Variants in NPAS3 observed in about 807,000 individuals in gnomAD.
NPAS3 encodes the protein neuronal PAS domain-containing protein 3.
NPAS3 carries 14 observed loss-of-function variants against 73.1 expected under a neutral mutation model. The observed-to-expected ratio is 0.19, with a 90% CI of 0.13 to 0.30. The LOEUF is 0.30. Ranked by LOEUF, NPAS3 falls within the 10% of genes least tolerant of loss-of-function variation. The pLI is 1.00. For missense variants in NPAS3, 1,096 were observed against 1,250.0 expected (o/e 0.88, Z 1.86); for synonymous variants, 620 against 541.5 (o/e 1.14, Z -2.01).
chr14:33,228,554 G>A (rs772248706), intron 3 of NPAS3, among the ~76,000 whole-genome samples: 10 of 151,996 alleles, frequency 6.6e-5, no homozygotes, highest in Non-Finnish European at 1.2e-4. Flanking sequence ...ATTTTTTGTT[G>A]TCATCAGGGA....
chr14:33,587,077 C>A (rs932374132), intron 5 of NPAS3, among the ~76,000 whole-genome samples: 11 of 152,232 alleles, frequency 7.2e-5, no homozygotes, highest in Non-Finnish European at 1.5e-4. Context: ...TCTTCTTTTG[C>A]CTTACTTTCC....
intron 4 of NPAS3, among the ~76,000 whole-genome samples, chr14:33,494,055 T>C (rs776825364): frequency 9.2e-5 from 14 of 152,144 alleles, no homozygotes; most frequent in Non-Finnish European, 2.1e-4. Context: ...ATTCATACTA[T>C]GCAAAATTCT....
intron 2 of NPAS3, among the ~76,000 whole-genome samples, chr14:33,063,875 C>T (rs142436060): frequency 7.9e-5 from 12 of 152,268 alleles, no homozygotes; most frequent in African/African-American, 1.7e-4. Context: ...CTGTTAACCT[C>T]GCAGAATTAG....
In NPAS3 at chr14:33,407,439, C is replaced by A. The variant is rs548056594; in HGVS notation, c.468+40171C>A. ...ACACATCCCTGAATCTTCAGTTAGT[C>A]TCAGTTAAAGCAATTCTTCTGCTGC... is the stretch of plus-strand genomic sequence containing the variant. On this transcript the variant is annotated intron_variant, in intron 4 of 11. Transcript: ENST00000356141. Among the ~76,000 whole-genome samples, 9 of 152,214 alleles carry A rather than the reference C, an allele frequency of 5.9e-5. No individual in the cohort carries two copies. The South Asian group carries it at 1.7e-3, about 28-fold the overall frequency.
At chr14:33,311,365 T>G (rs2042995693) in intron 3 of NPAS3, among the ~76,000 whole-genome samples, 1 of 152,184 alleles carries the variant, frequency 6.6e-6, no homozygotes, top group Admixed American at 6.5e-5. Flanking sequence ...ACATTTTATG[T>G]GTAAGTTTCC....
At chr14:33,662,544 T>C (rs1204397216) in intron 5 of NPAS3, among the ~76,000 whole-genome samples, 1 of 152,238 alleles carries the variant, frequency 6.6e-6, no homozygotes, top group Non-Finnish European at 1.5e-5. Context: ...TTGGGCAGTA[T>C]GGCCATTTTC....
intron 3 of NPAS3, among the ~76,000 whole-genome samples, chr14:33,324,199 G>A (rs2043587120): frequency 6.6e-6 from 1 of 152,146 alleles, no homozygotes; most frequent in African/African-American, 2.4e-5. Flanking sequence ...AATTGAATTG[G>A]CAATTTGTGT....
chr14:33,263,237 G>T (rs986681168), intron 3 of NPAS3, among the ~76,000 whole-genome samples: 4 of 152,126 alleles, frequency 2.6e-5, no homozygotes, highest in Non-Finnish European at 4.4e-5. Context: ...TTCTTCTAGA[G>T]TTTTTATGGT....
chr14:33,612,288 TC>T (rs1264820089), intron 5 of NPAS3: 1 of 411,506 alleles, frequency 2.4e-6, no homozygotes, highest in Non-Finnish European at 4.9e-6. Context: ...TCTCTCTCTT[TC>T]CATTCACATT....
At chr14:33,718,677 T>A (rs1008555532) in intron 6 of NPAS3, among the ~76,000 whole-genome samples, 1 of 152,208 alleles carries the variant, frequency 6.6e-6, no homozygotes, top group African/African-American at 2.4e-5. Flanking sequence ...TCAACAAATG[T>A]TTCCTGGTCA....
Position 33,560,112 on chromosome 14 carries a change from T to A in NPAS3, c.469-9T>A, listed in dbSNP as rs777919223. On this transcript the variant is annotated splice_polypyrimidine_tract_variant and intron_variant, in intron 4 of 11. Coordinates refer to ENST00000356141, the Ensembl canonical transcript of NPAS3. Reference sequence around the variant, plus strand: ...TAATCTATTTATATATTTATTCTTTTTCCTGCAGTCCCTGGATGGCTTTGT... The same window carrying A: ...TAATCTATTTATATATTTATTCTTTATCCTGCAGTCCCTGGATGGCTTTGT... 1.2e-6 allele frequency: 1 copy of A among 856,366 alleles called. No individual in the cohort carries two copies. The highest frequency in any genetic ancestry group is 1.6e-5 in the African/African-American group (1 of 60,804). The allele number at this position is 856,366 out of a possible 1,614,324, so 53.0% of individuals were successfully genotyped here. A position where few individuals can be genotyped will look rare whatever the true frequency, so the allele number is the denominator to read the frequency against.
intron 2 of NPAS3, among the ~76,000 whole-genome samples, chr14:33,111,842 C>G (rs111774307): frequency 6.7e-6 from 1 of 149,560 alleles, no homozygotes; most frequent in Non-Finnish European, 1.5e-5. Flanking sequence ...CAACAGGCCC[C>G]GGTGTGTGAT....
At chr14:33,755,783 C>T (rs972129933) in intron 7 of NPAS3, among the ~76,000 whole-genome samples, 2 of 151,998 alleles carry the variant, frequency 1.3e-5, no homozygotes, top group Non-Finnish European at 2.9e-5. Context: ...ATCTAGGAAG[C>T]ATGACACCTG....
chr14:33,009,350 G>T (rs547988962), intron 1 of NPAS3, among the ~76,000 whole-genome samples: 1 of 152,156 alleles, frequency 6.6e-6, no homozygotes, highest in Non-Finnish European at 1.5e-5. Flanking sequence ...ACAGTTGAGG[G>T]TCAGCTTCTT....
At chr14:33,790,421 A>G (rs1321334807) in intron 9 of NPAS3, among the ~76,000 whole-genome samples, 1 of 152,204 alleles carries the variant, frequency 6.6e-6, no homozygotes, top group Non-Finnish European at 1.5e-5. Flanking sequence ...TTACACACTA[A>G]AAATCCTTTC....
At chr14:33,493,675 CTG>C (rs1022940378) in intron 4 of NPAS3, among the ~76,000 whole-genome samples, 3 of 152,232 alleles carry the variant, frequency 2.0e-5, no homozygotes, top group Non-Finnish European at 4.4e-5. Flanking sequence ...CTTTGCTTCC[CTG>C]TGACTAAAAA....
intron 4 of NPAS3, among the ~76,000 whole-genome samples, chr14:33,448,876 C>A (rs2049650278): frequency 6.6e-6 from 1 of 152,188 alleles, no homozygotes; most frequent in African/African-American, 2.4e-5. Flanking sequence ...AGGCCAAAAT[C>A]TGTCTGCACC....
At chr14:33,010,718 A>G (rs1355704539) in intron 1 of NPAS3, among the ~76,000 whole-genome samples, 1 of 152,112 alleles carries the variant, frequency 6.6e-6, no homozygotes, top group Non-Finnish European at 1.5e-5. Context: ...TTGGCAGGCC[A>G]AGGAGAGATA....
intron 4 of NPAS3, among the ~76,000 whole-genome samples, chr14:33,377,434 A>G (rs1025402219): frequency 1.3e-5 from 2 of 152,220 alleles, no homozygotes; most frequent in African/African-American, 4.8e-5. Context: ...GACCATTGCT[A>G]TAAATTATGC....
Sources: allele counts gnomAD v4.1 joint callset (sites outside exome capture counted in the v4.1 genomes callset), GRCh38; gene constraint gnomAD v4.1.1; transcripts MANE v1.5; gene names NCBI Gene and HGNC (gene_info 2026-07-23, HGNC 2026-07-21).